The following ZP3 variants were observed in gnomAD, a reference collection of about 807,000 sequenced individuals.
ZP3 encodes zona pellucida glycoprotein 3.
ZP3 carries 21 observed loss-of-function variants against 35.6 expected under a neutral mutation model. That is an observed-to-expected ratio of 0.59 (90% confidence interval 0.42 to 0.85). The LOEUF is 0.85. ZP3 is among the 40% of genes least tolerant of loss of function. The probability of loss-of-function intolerance (pLI) is 0.00; values close to 1 mark genes in which losing one functional copy is unlikely to be tolerated. For synonymous variants in ZP3, 207 were observed against 214.5 expected, an observed-to-expected ratio of 0.96 and a Z score of 0.31; for missense variants, 437 against 536.5, an observed-to-expected ratio of 0.81 and a Z score of 1.83.
At chr7:76,421,043 C>T (rs1365692906), upstream of ZP3, among the ~76,000 whole-genome samples, 1 of 151,798 alleles carries the variant, frequency 6.6e-6, no homozygotes, top group Non-Finnish European at 1.5e-5. Flanking sequence ...TCAAGTGATT[C>T]TCTTGCCTCA....
At position 76,433,700 on chromosome 7, in the gene ZP3, GCCA is replaced by G; in HGVS notation, c.713+56_713+58del. The G allele has an allele frequency of 1.9e-6, 3 of 1,539,430 alleles. No homozygotes were observed. In the South Asian group the frequency reaches 3.7e-5, roughly 19 times the overall value. On this transcript the variant is annotated intron_variant, in intron 4 of 7. Transcript: ENST00000394857. ...ACCTTCCTAGCAAAATGACCCTAAA[GCCA>G]CCTGTTTGGCTTTTTGAGACAGTGT...
rs1024525237 is a variant in ZP3 at position 76,404,196 on chromosome 7, A to G, written c.-67+6399A>G. The G allele has an allele frequency of 3.6e-6, 5 of 1,399,392 alleles. No individual in the cohort carries two copies. In the African/African-American group the frequency reaches 7.3e-5, roughly 20 times the overall value. The allele number at this position is 1,399,392 out of a possible 1,614,324, so 86.7% of individuals were successfully genotyped here. On this transcript the variant is annotated intron_variant, in intron 1 of 8. Coordinates refer to the ZP3 transcript ENST00000336517. ...CTCTGGGCAAAGGTCAGCATTGGAAAGAACAACAGGAACGAGCTCATTCAC... is the reference window on the plus strand; with the variant it reads ...CTCTGGGCAAAGGTCAGCATTGGAAGGAACAACAGGAACGAGCTCATTCAC...
At chr7:76,423,035 G>GAAAA (rs1563695483), upstream of ZP3, among the ~76,000 whole-genome samples, 2 of 123,086 alleles carry the variant, frequency 1.6e-5, 1 homozygote, top group Non-Finnish European at 3.5e-5. Flanking sequence ...GAGAAAGAAA[G>GAAAA]AAAGAAAGAA....
chr7:76,436,025 G>GCCC (rs376936281), intron 5 of ZP3, among the ~76,000 whole-genome samples: 7 of 60,876 alleles, frequency 1.1e-4, no homozygotes, highest in African/African-American at 2.9e-4. Context: ...CGCGCCCCCC[G>GCCC]CCCCCTTTTT....
In ZP3 at chr7:76,440,470, C is replaced by T; in HGVS notation, c.924-5C>T. The T allele has an allele frequency of 6.2e-7, 1 of 1,612,908 alleles. No homozygotes were observed. The highest frequency in any genetic ancestry group is 8.5e-7 in the Non-Finnish European group (1 of 1,179,138). ...AAAATCTAAGCTGCTTCTCTTTCAT[C>T]TCAGCTGGTTCCCAGTGGAAGGCTC... is the stretch of plus-strand genomic sequence containing the variant. On this transcript the variant is annotated splice_region_variant and splice_polypyrimidine_tract_variant and intron_variant, in intron 6 of 7. Coordinates refer to ENST00000394857, the MANE Select transcript of ZP3 (RefSeq NM_001110354.2).
At chr7:76,423,055 G>GAAACAAAGAAAGAAAC (rs1554624516), upstream of ZP3, among the ~76,000 whole-genome samples, 21 of 136,002 alleles carry the variant, frequency 1.5e-4, 2 homozygotes, top group Middle Eastern at 3.6e-3. Flanking sequence ...AAGAAAGAAA[G>GAAACAAAGAAAGAAAC]AAAGAAAGAA....
chr7:76,425,217 G>A lies in ZP3; in HGVS notation c.253G>A (p.Asp85Asn). ...GGCCTGTGAGCCTCTGGTCTCCATG[G>A]ACACAGAAGATGTGGTCAGGTTTGA... Reference protein sequence around the residue: ...PEACEPLVSMDTEDVVRFEVG... With the variant: ...PEACEPLVSMNTEDVVRFEVG... Residue 85 changes from aspartate (D) to asparagine (N), a missense_variant, in exon 1 of 8, where the codon GAC (aspartate) becomes AAC (asparagine). Transcript: ENST00000394857. 2 of 1,613,842 alleles carry A rather than the reference G, an allele frequency of 1.2e-6. No individual in the cohort carries two copies. The highest frequency in any genetic ancestry group is 1.7e-6 in the Non-Finnish European group (2 of 1,179,998).
In ZP3 at chr7:76,436,049, T is replaced by C. The variant is rs1584070728; in HGVS notation, c.831+1894T>C. Among the ~76,000 whole-genome samples, 141 of 46,708 alleles carry C rather than the reference T, an allele frequency of 3.0e-3. 8 individuals carry two copies. Among genetic ancestry groups the C allele is most frequent in the Admixed American group, 0.023 (95 of 4,066 alleles). 30.6% of individuals were successfully genotyped at this position (46,708 alleles called of 152,430 possible). On this transcript the variant is annotated intron_variant, in intron 5 of 7. Coordinates refer to ENST00000394857, the MANE Select transcript of ZP3 (RefSeq NM_001110354.2). ...CGCCCCCTTTTTTTTTTTTTTTTTTTTTTTTTTTTTTTTTTTTTTTTTTTT... is the reference window on the plus strand; with the variant it reads ...CGCCCCCTTTTTTTTTTTTTTTTTTCTTTTTTTTTTTTTTTTTTTTTTTTT...
chr7:76,398,682 C>G, intron 1 of ZP3: 1 of 1,606,852 alleles, frequency 6.2e-7, no homozygotes, highest in South Asian at 1.1e-5. Context: ...AGACTCCTCT[C>G]CCAAAACCCA....
rs71521125 is a variant in ZP3, at chr7:76,428,164, TAAAA to T, written c.313-1338_313-1335del. Among the ~76,000 whole-genome samples, 4 of 133,980 alleles carry T rather than the reference TAAAA, an allele frequency of 3.0e-5. No individual in the cohort carries two copies. The South Asian group carries it at 1.0e-3, about 34-fold the overall frequency. 87.9% of individuals were successfully genotyped at this position (133,980 alleles called of 152,430 possible). On this transcript the variant is annotated intron_variant, in intron 1 of 7. Transcript: ENST00000394857. ...AACATGGCGAAACCCTGTCTCTATT[TAAAA>T]AAAAAAAAAAAAGGCACGGTGGCAC...
chr7:76,414,058 G>A (rs1349461214), intron 1 of ZP3, among the ~76,000 whole-genome samples: 3 of 148,492 alleles, frequency 2.0e-5, no homozygotes, highest in African/African-American at 2.5e-5. Context: ...GTGCAGTGGC[G>A]TGATCTCAGC....
At chr7:76,423,025 G>A (rs6977847), upstream of ZP3, among the ~76,000 whole-genome samples, 8,391 of 75,528 alleles carry the variant, frequency 0.11, 756 homozygotes, top group African/African-American at 0.23. Flanking sequence ...GAGAGAGAGA[G>A]AGAAAGAAAG....
At chr7:76,397,525 G>A in exon 1 of ZP3, 1 of 1,558,460 alleles carries the variant, frequency 6.4e-7, no homozygotes, top group Non-Finnish European at 8.7e-7. Context: ...CACCTGCGCA[G>A]AGCGCGCCCG....
At chr7:76,405,082 A>AG (rs1563686637) in intron 1 of ZP3, among the ~76,000 whole-genome samples, 1 of 150,806 alleles carries the variant, frequency 6.6e-6, no homozygotes, top group Non-Finnish European at 1.5e-5. Flanking sequence ...AAAGAAAAAA[A>AG]TTAAATTTTA....
At chr7:76,406,752 T>G (rs2115816166) in intron 1 of ZP3, among the ~76,000 whole-genome samples, 1 of 151,788 alleles carries the variant, frequency 6.6e-6, no homozygotes, top group South Asian at 2.1e-4. Context: ...GTCTTGCACT[T>G]TTTTTGTTTT....
chr7:76,435,006 G>A (rs1270852523), intron 5 of ZP3, among the ~76,000 whole-genome samples: 2 of 152,222 alleles, frequency 1.3e-5, no homozygotes, highest in African/African-American at 2.4e-5. Context: ...GCAGTAGGAA[G>A]TGCAGGTGCA....
At chr7:76,438,316 G>C (rs1263873824) in intron 5 of ZP3, among the ~76,000 whole-genome samples, 1 of 152,110 alleles carries the variant, frequency 6.6e-6, no homozygotes, top group Admixed American at 6.6e-5. Flanking sequence ...CCAGCACTTT[G>C]TGAGGCCAAG....
intron 1 of ZP3, among the ~76,000 whole-genome samples, chr7:76,411,117 C>A (rs557110655): frequency 3.3e-5 from 5 of 152,158 alleles, no homozygotes; most frequent in Non-Finnish European, 7.3e-5. Flanking sequence ...CCTCCCCTGG[C>A]CTGGGGAAGC....
At chr7:76,397,537 G>A (rs1254279818) in exon 1 of ZP3, 1 of 1,580,074 alleles carries the variant, frequency 6.3e-7, no homozygotes, top group Non-Finnish European at 8.6e-7. Context: ...GCGCGCCCGC[G>A]TCCTCGTGGT....
Sources: gnomAD v4.1 joint callset for allele counts (sites outside exome capture counted in the v4.1 genomes callset) on GRCh38, gnomAD v4.1.1 for gene constraint, MANE v1.5 for transcripts, NCBI Gene and HGNC (gene_info 2026-07-23, HGNC 2026-07-21) for gene names.